Variants in DSCAM observed in about 807,000 individuals in gnomAD.
The protein encoded by DSCAM is cell adhesion molecule DSCAM.
DSCAM carries 47 observed loss-of-function variants against 217.7 expected under a neutral mutation model. The ratio of observed to expected loss-of-function variants is 0.22; its 90% CI spans 0.17 to 0.28. DSCAM has a LOEUF of 0.28. Ranked by LOEUF, DSCAM falls within the 10% of genes least tolerant of loss-of-function variation. The pLI, the probability that DSCAM is intolerant of heterozygous loss-of-function variation, is 1.00. For synonymous variants in DSCAM, 1,056 were observed against 1,015.3 expected, an observed-to-expected ratio of 1.04 and a Z score of -0.76; for missense variants, 2,080 against 2,618.3, an observed-to-expected ratio of 0.79 and a Z score of 4.49.
intron 3 of DSCAM, among the ~76,000 whole-genome samples, chr21:40,549,940 T>G (rs370406191): frequency 6.6e-6 from 1 of 152,162 alleles, no homozygotes; most frequent in African/African-American, 2.4e-5. Flanking sequence ...CTGAAATGAA[T>G]GAAATAATGA....
At chr21:40,425,850 TA>T (rs1353142852) in intron 3 of DSCAM, among the ~76,000 whole-genome samples, 1 of 152,172 alleles carries the variant, frequency 6.6e-6, no homozygotes, top group Admixed American at 6.5e-5. Flanking sequence ...TAAACATATA[TA>T]AACATACACA....
At chr21:40,090,594 A>G (rs1169852629) in intron 21 of DSCAM, among the ~76,000 whole-genome samples, 1 of 152,096 alleles carries the variant, frequency 6.6e-6, no homozygotes, top group Non-Finnish European at 1.5e-5. Context: ...TTGAATCCAC[A>G]GCCTAACACC....
intron 19 of DSCAM, 30 bp downstream of exon 19, chr21:40,133,824 G>A (rs768570461): frequency 1.3e-6 from 2 of 1,573,506 alleles, no homozygotes; most frequent in South Asian, 2.4e-5. Context: ...TCCAGCAACT[G>A]CTGGGACCCA....
intron 11 of DSCAM, among the ~76,000 whole-genome samples, chr21:40,271,539 G>C (rs1361537248): frequency 2.6e-5 from 4 of 152,196 alleles, no homozygotes; most frequent in African/African-American, 9.6e-5. Context: ...ATCCATTTAA[G>C]AGATTCAGTG....
chr21:40,688,654 C>T (rs944177238), intron 3 of DSCAM, among the ~76,000 whole-genome samples: 4 of 152,148 alleles, frequency 2.6e-5, no homozygotes, highest in Non-Finnish European at 5.9e-5. Flanking sequence ...CTGATGGCAC[C>T]TTGTGTGCCT....
intron 4 of DSCAM, among the ~76,000 whole-genome samples, chr21:40,357,386 C>T (rs1036466338): frequency 1.9e-4 from 29 of 152,336 alleles, no homozygotes; most frequent in African/African-American, 6.5e-4. Context: ...AAATGGTTAG[C>T]TGTCTGCATC....
At chr21:40,388,620 G>A (rs567255898) in intron 3 of DSCAM, among the ~76,000 whole-genome samples, 1 of 151,378 alleles carries the variant, frequency 6.6e-6, no homozygotes, top group Non-Finnish European at 1.5e-5. Context: ...GGAAAATCAC[G>A]GGAGTTAAGG....
At chr21:40,687,158 AACAG>A (rs1439400276) in intron 3 of DSCAM, among the ~76,000 whole-genome samples, 3 of 152,196 alleles carry the variant, frequency 2.0e-5, no homozygotes, top group African/African-American at 7.2e-5. Flanking sequence ...GGTAGATGAT[AACAG>A]ACAGAAAAAT....
chr21:40,117,944 C>T (rs1178943540), intron 20 of DSCAM, among the ~76,000 whole-genome samples: 2 of 97,744 alleles, frequency 2.0e-5, no homozygotes, highest in South Asian at 3.9e-4. Context: ...AAACCCAATA[C>T]GTGTACACAC....
chr21:40,765,391 T>C (rs1216123621), intron 1 of DSCAM, among the ~76,000 whole-genome samples: 5 of 152,186 alleles, frequency 3.3e-5, no homozygotes, highest in East Asian at 3.9e-4. Context: ...GTCTCCATCA[T>C]GTCAGACTTA....
At chr21:40,167,779 C>A (rs1378390840) in intron 15 of DSCAM, among the ~76,000 whole-genome samples, 1 of 152,108 alleles carries the variant, frequency 6.6e-6, no homozygotes, top group Non-Finnish European at 1.5e-5. Flanking sequence ...AATTAAAAAC[C>A]CTTGTGGCCG....
chr21:40,644,830 C>G (rs1344833188), intron 3 of DSCAM, among the ~76,000 whole-genome samples: 1 of 152,102 alleles, frequency 6.6e-6, no homozygotes, highest in Non-Finnish European at 1.5e-5. Context: ...AGAACCTGGA[C>G]AACTCACAGT....
At chr21:40,150,039 T>C (rs144520541) in intron 16 of DSCAM, among the ~76,000 whole-genome samples, 151 of 152,364 alleles carry the variant, frequency 9.9e-4, no homozygotes, top group African/African-American at 2.8e-3. Context: ...TTCCACTTAT[T>C]GAACACTGTT....
At chr21:40,754,189 A>T (rs190623877) in intron 1 of DSCAM, among the ~76,000 whole-genome samples, 1 of 152,278 alleles carries the variant, frequency 6.6e-6, no homozygotes, top group East Asian at 1.9e-4. Flanking sequence ...CCACTATTCA[A>T]GTTCTCCTGA....
At chr21:40,454,263 C>A (rs1601656327) in intron 3 of DSCAM, among the ~76,000 whole-genome samples, 1 of 152,192 alleles carries the variant, frequency 6.6e-6, no homozygotes, top group Non-Finnish European at 1.5e-5. Context: ...GTGTCAGAAA[C>A]TCAGCCTAGT....
At chr21:40,714,606 T>C (rs2146494956) in intron 1 of DSCAM, among the ~76,000 whole-genome samples, 1 of 152,332 alleles carries the variant, frequency 6.6e-6, no homozygotes, top group South Asian at 2.1e-4. Flanking sequence ...TGTCTCACCA[T>C]CGAATTTTGG....
At chr21:40,135,886 A>G (rs1007760427) in intron 18 of DSCAM, among the ~76,000 whole-genome samples, 1 of 152,242 alleles carries the variant, frequency 6.6e-6, no homozygotes, top group African/African-American at 2.4e-5. Context: ...CCTGTCCCTC[A>G]CATGCCAGAG....
chr21:40,070,927 A>G (rs1022624820), intron 27 of DSCAM, among the ~76,000 whole-genome samples: 3 of 152,246 alleles, frequency 2.0e-5, no homozygotes, highest in Non-Finnish European at 2.9e-5. Context: ...ACACATTTCC[A>G]TTCAAGAGAA....
intron 3 of DSCAM, among the ~76,000 whole-genome samples, chr21:40,590,359 G>A (rs570733481): frequency 2.2e-4 from 33 of 152,328 alleles, no homozygotes; most frequent in South Asian, 1.9e-3. Flanking sequence ...ACATTAATGA[G>A]CCATGGAGCC....
Sources: allele counts gnomAD v4.1 joint callset (sites outside exome capture counted in the v4.1 genomes callset), GRCh38; gene constraint gnomAD v4.1.1; transcripts MANE v1.5; gene names NCBI Gene and HGNC (gene_info 2026-07-23, HGNC 2026-07-21).